TMEM163: variants seen among roughly 807,000 people sequenced by gnomAD.
TMEM163 encodes transmembrane protein 163.
A neutral mutation model predicts 29.3 loss-of-function variants in TMEM163; 17 were observed. The ratio of observed to expected loss-of-function variants is 0.58; its 90% CI spans 0.40 to 0.87. The LOEUF (loss-of-function observed/expected upper bound fraction) is 0.87. TMEM163 is among the 40% of genes least tolerant of loss of function. The pLI is 0.00. For synonymous variants in TMEM163, 157 were observed against 160.6 expected (o/e 0.98, Z 0.17); for missense variants, 303 against 381.5 (o/e 0.79, Z 1.71).
At chr2:134,459,484 A>AACAAGGGCTGGTTC (rs1558909262) in intron 6 of TMEM163, among the ~76,000 whole-genome samples, 4 of 92,658 alleles carry the variant, frequency 4.3e-5, no homozygotes, top group African/African-American at 2.2e-4. Flanking sequence ...TCCTTCCCAG[A>AACAAGGGCTGGTTC]TTGGATTGGA....
intron 2 of TMEM163, among the ~76,000 whole-genome samples, chr2:134,631,616 A>C (rs894017536): frequency 2.0e-5 from 3 of 152,246 alleles, no homozygotes; most frequent in Non-Finnish European, 4.4e-5. Flanking sequence ...GTTAGTGGCC[A>C]AGATGGTATT....
intron 2 of TMEM163, among the ~76,000 whole-genome samples, chr2:134,693,970 A>T (rs144026583): frequency 4.6e-5 from 7 of 152,286 alleles, no homozygotes; most frequent in African/African-American, 1.7e-4. Context: ...TTGAGAGTAG[A>T]GGCTCTGAGT....
chr2:134,573,624 T>G (rs909151037), intron 2 of TMEM163, among the ~76,000 whole-genome samples: 1 of 152,160 alleles, frequency 6.6e-6, no homozygotes, highest in Non-Finnish European at 1.5e-5. Context: ...TCACATTTCT[T>G]GAGAGGGTGG....
chr2:134,499,894 G>A (rs1181847335), intron 5 of TMEM163, among the ~76,000 whole-genome samples: 1 of 152,208 alleles, frequency 6.6e-6, no homozygotes, highest in East Asian at 1.9e-4. Context: ...GGTTTCTGCA[G>A]AAGCAGCAAA....
intron 2 of TMEM163, among the ~76,000 whole-genome samples, chr2:134,650,394 A>C (rs533321392): frequency 1.3e-5 from 2 of 152,232 alleles, no homozygotes; most frequent in African/African-American, 2.4e-5. Flanking sequence ...GTGATGATAT[A>C]AATCAAACTT....
At chr2:134,651,571 G>A (rs905858666) in intron 2 of TMEM163, among the ~76,000 whole-genome samples, 1 of 126,642 alleles carries the variant, frequency 7.9e-6, no homozygotes, top group African/African-American at 3.7e-5. Context: ...TGTCAGTTTT[G>A]GCTTTTGTTG....
At chr2:134,546,065 A>G (rs568142430) in intron 4 of TMEM163, among the ~76,000 whole-genome samples, 1 of 152,212 alleles carries the variant, frequency 6.6e-6, no homozygotes, top group Non-Finnish European at 1.5e-5. Flanking sequence ...TTCCTACCAC[A>G]GGAAAGTAAC....
chr2:134,661,785 A>G (rs1683756123), intron 2 of TMEM163, among the ~76,000 whole-genome samples: 1 of 152,150 alleles, frequency 6.6e-6, no homozygotes, highest in Non-Finnish European at 1.5e-5. Flanking sequence ...AAGATTAGGA[A>G]CCCAAAGGCC....
intron 4 of TMEM163, among the ~76,000 whole-genome samples, chr2:134,504,802 G>A (rs1351298285): frequency 6.6e-6 from 1 of 152,206 alleles, no homozygotes; most frequent in Non-Finnish European, 1.5e-5. Context: ...CTGGGGCTGG[G>A]AACCACAGTC....
chr2:134,686,884 C>A (rs1222236326), intron 2 of TMEM163, among the ~76,000 whole-genome samples: 1 of 152,144 alleles, frequency 6.6e-6, no homozygotes, highest in Admixed American at 6.5e-5. Context: ...GCCTTGGTTT[C>A]CTAAGTCCCC....
intron 2 of TMEM163, among the ~76,000 whole-genome samples, chr2:134,706,691 G>T (rs947298347): frequency 6.6e-6 from 1 of 152,176 alleles, no homozygotes; most frequent in African/African-American, 2.4e-5. Flanking sequence ...AGGTACGTGG[G>T]TTTGGGGCAA....
Position 134,674,491 on chromosome 2 carries a change from G to A in TMEM163, c.322+38709C>T, listed in dbSNP as rs190210550. On this transcript the variant is annotated intron_variant, in intron 2 of 7. Transcript: ENST00000281924. ...CCCAAGTAGCTGGGACTACAGGCGC[G>A]CGCGCGCGCGCGCGCGCGCTACCAT... 2.8e-4 allele frequency among the ~76,000 whole-genome samples: 23 copies of A among 81,772 alleles called. 2 individuals are homozygous for A. Among genetic ancestry groups the A allele is most frequent in the African/African-American group, 1.4e-3 (21 of 14,754 alleles). 53.6% of individuals were successfully genotyped at this position (81,772 alleles called of 152,430 possible). A position where few individuals can be genotyped will look rare whatever the true frequency, so the allele number is the denominator to read the frequency against.
chr2:134,526,666 T>C (rs192231473), intron 4 of TMEM163, among the ~76,000 whole-genome samples: 3 of 152,188 alleles, frequency 2.0e-5, no homozygotes, highest in Admixed American at 6.5e-5. Flanking sequence ...CCAACTAGAT[T>C]AGCTACTTCT....
intron 2 of TMEM163, among the ~76,000 whole-genome samples, chr2:134,643,087 C>T (rs1053439184): frequency 3.9e-5 from 6 of 151,906 alleles, no homozygotes; most frequent in Admixed American, 2.6e-4. Flanking sequence ...AAAAGAAATA[C>T]GTAAACCTCT....
intron 5 of TMEM163, among the ~76,000 whole-genome samples, chr2:134,477,262 T>C (rs13397640): frequency 1.2e-3 from 178 of 152,350 alleles, no homozygotes; most frequent in African/African-American, 4.2e-3. Context: ...ATAAATGTGA[T>C]GCCATTTTAC....
rs756941059 is a variant in TMEM163 at position 134,552,089 on chromosome 2, C to G, written c.325G>C (p.Val109Leu). ...TLALAVAAFT[V>L]SVMRYSASAF... ...GAGGCGCTGTACCTCATAACGGAGA[C>G]AGCTAAAAAGAAAGAAAATATTATT... The change falls in exon 3 of 8, where the codon GTC (valine) becomes CTC (leucine). Residue 109 changes from valine to leucine, a missense_variant and splice_region_variant. Physicochemically the swap from Val to Leu is conservative, Grantham distance 32 (BLOSUM62 1). This residue lies in a region of TMEM163 where 203 missense variants were observed against 294.3 expected (regional missense o/e 0.69). Transcript: ENST00000281924. 6.2e-7 allele frequency: 1 copy of G among 1,611,848 alleles called. No homozygotes were observed. Among genetic ancestry groups the G allele is most frequent in the South Asian group, 1.1e-5 (1 of 90,598 alleles).
At chr2:134,494,680 C>G (rs1254066473) in intron 5 of TMEM163, among the ~76,000 whole-genome samples, 2 of 152,196 alleles carry the variant, frequency 1.3e-5, no homozygotes, top group Admixed American at 6.5e-5. Context: ...AAGCACATCC[C>G]CTACATCTTT....
At chr2:134,458,965 C>CTT (rs1686464136) in intron 6 of TMEM163, 1 of 152,016 alleles carries the variant, frequency 6.6e-6, no homozygotes, top group South Asian at 2.1e-4. Context: ...ACATGTGATA[C>CTT]TTCTACTTTA....
intron 1 of TMEM163, among the ~76,000 whole-genome samples, chr2:134,717,741 C>T (rs190551043): frequency 1.3e-4 from 20 of 152,298 alleles, no homozygotes; most frequent in Non-Finnish European, 7.3e-5. Flanking sequence ...TTTAGCAGAA[C>T]CACAGATTCG....
Sources: allele counts gnomAD v4.1 joint callset (sites outside exome capture counted in the v4.1 genomes callset), GRCh38; gene constraint gnomAD v4.1.1; regional missense constraint gnomAD v4.1.1; transcripts MANE v1.5; gene names NCBI Gene and HGNC (gene_info 2026-07-23, HGNC 2026-07-21).